The following SOX10 variants were observed in gnomAD, a reference collection of about 807,000 sequenced individuals.
SOX10 encodes transcription factor SOX-10.
SOX10 carries 3 observed loss-of-function variants against 35.0 expected under a neutral mutation model. The observed-to-expected ratio is 0.09, with a 90% confidence interval of 0.04 to 0.22. SOX10 has a LOEUF of 0.22. Ranked by LOEUF, SOX10 falls within the 10% of genes least tolerant of loss-of-function variation. SOX10 has a pLI of 1.00. For missense variants in SOX10, 436 were observed against 655.1 expected (o/e 0.67, Z 3.65); for synonymous variants, 285 against 291.0 (o/e 0.98, Z 0.21).
At position 37,983,368 on chromosome 22, in the gene SOX10, G is replaced by A; in HGVS notation, c.417C>T (p.Gly139=). ...LHNAELSKTL[G]KLWRLLNESD... ...GGTCGGGTGCTCACCTCCAGAGCTT[G>A]CCCAGCGTCTTGCTGAGCTCAGCGT... The change falls in exon 2 of 4, where the codon GGC becomes GGT. Residue 139 remains glycine (G), a synonymous_variant. Transcript: ENST00000396884. The surrounding 1 kb of genome is among the most constrained non-coding windows in gnomAD (Gnocchi z 9.5). 6.2e-7 allele frequency: 1 copy of A among 1,608,416 alleles called. No individual in the cohort carries two copies. The highest frequency in any genetic ancestry group is 8.5e-7 in the Non-Finnish European group (1 of 1,178,468).
intron 3 of SOX10, among the ~76,000 whole-genome samples, chr22:37,977,626 A>G (rs1932261766): frequency 6.6e-6 from 1 of 151,712 alleles, no homozygotes; most frequent in South Asian, 2.1e-4. Flanking sequence ...GGCGGCCTCC[A>G]CAGTCTTTAA....
rs1220964808 is a variant in SOX10 at position 37,978,225 on chromosome 22, T to C, written c.429-90A>G. The C allele has an allele frequency of 7.3e-7, 1 of 1,370,674 alleles. No individual in the cohort carries two copies. The highest frequency in any genetic ancestry group is 1.5e-5 in the African/African-American group (1 of 68,698). The allele number at this position is 1,370,674 out of a possible 1,614,324, so 84.9% of individuals were successfully genotyped here. On this transcript the variant is annotated intron_variant, in intron 2 of 3. Coordinates refer to ENST00000396884, the MANE Select transcript of SOX10 (RefSeq NM_006941.4). This position sits in a 1 kb window ranked among gnomAD's most constrained non-coding sequence, Gnocchi z 5.0. The stretch of plus-strand genomic sequence containing the variant: ...GTTGGCCTCCCTCTGAGTGTCCATC[T>C]TGGAAGATGTGAGGCCCTGGGATGG...
Position 37,974,064 on chromosome 22 carries a change from T to C in SOX10, c.832A>G (p.Ile278Val), listed in dbSNP as rs760539449. Residue 278 changes from isoleucine to valine, a missense_variant, in exon 4 of 4, where the codon ATT becomes GTT. Ile to Val is a conservative substitution (Grantham distance 29, BLOSUM62 3). Coordinates refer to ENST00000396884, the MANE Select transcript of SOX10 (RefSeq NM_006941.4). The surrounding 1 kb of genome is among the most constrained non-coding windows in gnomAD (Gnocchi z 5.4). ...ATTACCTCGTGGCTGATCTCACCAA[T>C]GTCCACGTTGCCGAAGTCGATGTGA... ...KPHIDFGNVDIGEISHEVMSN... is the reference protein window; with the variant it reads ...KPHIDFGNVDVGEISHEVMSN... The C allele has an allele frequency of 4.6e-5, 74 of 1,613,918 alleles. 1 individual carries two copies. The highest frequency in any genetic ancestry group is 1.7e-6 in the Non-Finnish European group (2 of 1,180,026).
chr22:37,983,526 G>T lies in SOX10; in HGVS notation c.259C>A (p.Leu87Met). The change falls in exon 2 of 4, where the codon CTG becomes ATG. Residue 87 changes from leucine (L) to methionine (M), a missense_variant. Coordinates refer to ENST00000396884, the MANE Select transcript of SOX10 (RefSeq NM_006941.4). This position sits in a 1 kb window ranked among gnomAD's most constrained non-coding sequence, Gnocchi z 9.5. Reference sequence around the variant, plus strand: ...TTGACGCGCACGGGCATGGGCACCAGCGTCCAGTCGTAGCCGCTGAGCACC... The same window carrying T: ...TTGACGCGCACGGGCATGGGCACCATCGTCCAGTCGTAGCCGCTGAGCACC... ...SQVLSGYDWT[L>M]VPMPVRVNGA... 1 of 1,610,336 alleles carries T rather than the reference G, an allele frequency of 6.2e-7. No homozygotes were observed. Among genetic ancestry groups the T allele is most frequent in the South Asian group, 1.1e-5 (1 of 90,710 alleles).
chr22:37,980,560 T>G lies in SOX10; in HGVS notation c.429-2425A>C, dbSNP rs1569170116. On this transcript the variant is annotated intron_variant, in intron 2 of 3. Transcript: ENST00000396884. The surrounding 1 kb of genome is among the most constrained non-coding windows in gnomAD (Gnocchi z 4.1). ...TCCTCCACCAGCTGTGCCGGACAGC[T>G]GATTCCACCTCCACCCCAACCCCAA... Among the ~76,000 whole-genome samples the G allele has an allele frequency of 1.3e-5, 2 of 152,040 alleles. No homozygotes were observed. The highest frequency in any genetic ancestry group is 2.4e-5 in the African/African-American group (1 of 41,394).
At chr22:37,977,329 C>A (rs1174238493) in intron 3 of SOX10, among the ~76,000 whole-genome samples, 1 of 141,990 alleles carries the variant, frequency 7.0e-6, no homozygotes, top group African/African-American at 2.6e-5. Context: ...TTTTTTTTTT[C>A]TTTCTCTTTG....
Position 37,973,480 on chromosome 22 carries a change from G to C in SOX10, c.*15C>G. On this transcript the variant is annotated 3_prime_UTR_variant, in exon 4 of 4. Coordinates refer to ENST00000396884, the MANE Select transcript of SOX10 (RefSeq NM_006941.4). ...GGCAGGGGCTGGGCGGGGGGTGGTGGCGACAGGGCCCCCTTTAGGGCCGGG... is the reference window on the plus strand; with the variant it reads ...GGCAGGGGCTGGGCGGGGGGTGGTGCCGACAGGGCCCCCTTTAGGGCCGGG... 1.3e-6 allele frequency: 2 copies of C among 1,522,352 alleles called. No individual in the cohort carries two copies. The highest frequency in any genetic ancestry group is 1.8e-6 in the Non-Finnish European group (2 of 1,121,488). The allele number at this position is 1,522,352 out of a possible 1,614,324, so 94.3% of individuals were successfully genotyped here.
rs1043042074 is a variant in SOX10 at position 37,978,515 on chromosome 22, C to G, written c.429-380G>C. Among the ~76,000 whole-genome samples, 1 of 152,202 alleles carries G rather than the reference C, an allele frequency of 6.6e-6. No homozygotes were observed. The highest frequency in any genetic ancestry group is 2.1e-4 in the South Asian group (1 of 4,830). ...AGCTGTCTGCAAGTGGAATTGGCTA[C>G]TTCAGTGGGGGTGAGCTCCCTGGGA... On this transcript the variant is annotated intron_variant, in intron 2 of 3. Transcript: ENST00000396884. This position sits in a 1 kb window ranked among gnomAD's most constrained non-coding sequence, Gnocchi z 5.0.
In SOX10 at chr22:37,981,276, C is replaced by T. The variant is rs529185676; in HGVS notation, c.428+2081G>A. 3.3e-3 allele frequency among the ~76,000 whole-genome samples: 502 copies of T among 152,362 alleles called. 1 individual carries two copies. The highest frequency in any genetic ancestry group is 5.1e-3 in the Admixed American group (78 of 15,308). On this transcript the variant is annotated intron_variant, in intron 2 of 3. Coordinates refer to ENST00000396884, the MANE Select transcript of SOX10 (RefSeq NM_006941.4). ...AGGAGAAGCCCCTGGAGCAATTGGC[C>T]AGCCCAGCCCAAATCCAAATGTCTC...
In SOX10 at chr22:37,983,662, G is replaced by A. The variant is rs771114420; in HGVS notation, c.123C>T (p.Gly41=). 1.3e-6 allele frequency: 2 copies of A among 1,584,572 alleles called. No individual in the cohort carries two copies. The highest frequency in any genetic ancestry group is 1.7e-5 in the Admixed American group (1 of 57,772). Reference sequence around the variant, plus strand: ...CGCCTGGCCCCGGGCTGGCTCGCAGGCCCGATCCGCCGCCGCCGCCGTCGG... The same window carrying A: ...CGCCTGGCCCCGGGCTGGCTCGCAGACCCGATCCGCCGCCGCCGCCGTCGG... ...LGPDGGGGGS[G]LRASPGPGEL... is the part of the protein sequence containing the mutation. The change falls in exon 2 of 4, where the codon GGC becomes GGT. Residue 41 remains glycine (G), a synonymous_variant. Coordinates refer to ENST00000396884, the MANE Select transcript of SOX10 (RefSeq NM_006941.4). The surrounding 1 kb of genome is among the most constrained non-coding windows in gnomAD (Gnocchi z 9.5).
At chr22:37,975,983 G>A (rs982168163) in intron 3 of SOX10, among the ~76,000 whole-genome samples, 6 of 152,044 alleles carry the variant, frequency 3.9e-5, no homozygotes, top group Non-Finnish European at 8.8e-5. Context: ...GGTCATGCCT[G>A]TAATCCCAGC....
chr22:37,979,484 G>A (rs1229370165), intron 2 of SOX10, among the ~76,000 whole-genome samples: 1 of 151,992 alleles, frequency 6.6e-6, no homozygotes, highest in Admixed American at 6.6e-5. Context: ...TCCTGATTGT[G>A]TGAATTCCAG....
In SOX10 at chr22:37,980,107, C is replaced by T. The variant is rs115389977; in HGVS notation, c.429-1972G>A. On this transcript the variant is annotated intron_variant, in intron 2 of 3. Transcript: ENST00000396884. The surrounding 1 kb of genome is among the most constrained non-coding windows in gnomAD (Gnocchi z 4.1). Reference sequence around the variant, plus strand: ...AGCTTTCTCAGAGGGTCCCTCCAGCCGAGACTCTGTCAGAGTCAGTGTACA... The same window carrying T: ...AGCTTTCTCAGAGGGTCCCTCCAGCTGAGACTCTGTCAGAGTCAGTGTACA... Among the ~76,000 whole-genome samples, 1,414 of 152,216 alleles carry T rather than the reference C, an allele frequency of 9.3e-3. 27 individuals are homozygous for T. The highest frequency in any genetic ancestry group is 0.032 in the African/African-American group (1,346 of 41,524).
At position 37,980,350 on chromosome 22, in the gene SOX10, C is replaced by T. The variant is rs950317880; in HGVS notation, c.429-2215G>A. On this transcript the variant is annotated intron_variant, in intron 2 of 3. Coordinates refer to ENST00000396884, the MANE Select transcript of SOX10 (RefSeq NM_006941.4). This position sits in a 1 kb window ranked among gnomAD's most constrained non-coding sequence, Gnocchi z 4.1. ...ATGGGACACAGAGCTCACTCTTTCA[C>T]CTATCCTTCCCTTGCCCCCTGCCCA... Among the ~76,000 whole-genome samples, 1 of 152,156 alleles carries T rather than the reference C, an allele frequency of 6.6e-6. No individual in the cohort carries two copies.
In SOX10 at chr22:37,980,025, C is replaced by T. The variant is rs866616309; in HGVS notation, c.429-1890G>A. On this transcript the variant is annotated intron_variant, in intron 2 of 3. Coordinates refer to ENST00000396884, the MANE Select transcript of SOX10 (RefSeq NM_006941.4). This position sits in a 1 kb window ranked among gnomAD's most constrained non-coding sequence, Gnocchi z 4.1. ...CCTAGCCGGCAGCAGCATTCCTCTG[C>T]GGCTTAGCCTCCCTGTCTACTCCCC... 1.3e-5 allele frequency among the ~76,000 whole-genome samples: 2 copies of T among 152,142 alleles called. No homozygotes were observed. Among genetic ancestry groups the T allele is most frequent in the African/African-American group, 4.8e-5 (2 of 41,408 alleles).
At chr22:37,977,367 C>A (rs1235505892) in intron 3 of SOX10, among the ~76,000 whole-genome samples, 2 of 151,100 alleles carry the variant, frequency 1.3e-5, no homozygotes, top group Admixed American at 1.3e-4. Flanking sequence ...GTCGCCCAGG[C>A]TGGAGTGCAG....
Position 37,983,770 on chromosome 22 carries a change from C to T in SOX10, c.15G>A (p.Gln5=). 6.8e-7 allele frequency: 1 copy of T among 1,470,210 alleles called. No individual in the cohort carries two copies. The highest frequency in any genetic ancestry group is 2.9e-5 in the East Asian group (1 of 34,642). 91.1% of individuals were successfully genotyped at this position (1,470,210 alleles called of 1,614,324 possible). ...GGCTCAGCTCCACCTCCGATAGGTCCTGCTCCTCCGCCATGTCGCCCCCGG... is the reference window on the plus strand; with the variant it reads ...GGCTCAGCTCCACCTCCGATAGGTCTTGCTCCTCCGCCATGTCGCCCCCGG... MAEE[Q]DLSEVELSPV... is the part of the protein sequence containing the mutation. Residue 5 remains glutamine (Q), a synonymous_variant, in exon 2 of 4, where the codon CAG becomes CAA. Coordinates refer to ENST00000396884, the MANE Select transcript of SOX10 (RefSeq NM_006941.4). The surrounding 1 kb of genome is among the most constrained non-coding windows in gnomAD (Gnocchi z 9.5).
In SOX10 at chr22:37,974,007, A is replaced by G. The variant is rs1470184775; in HGVS notation, c.889T>C (p.Leu297=). The stretch of plus-strand genomic sequence containing the variant: ...CCATTGGGCGGCAGGTACTGGTCCA[A>G]CTCAGCCACATCAAAGGTCTCCATG... ...SNMETFDVAE[L]DQYLPPNGHP... is the part of the protein sequence containing the mutation. Residue 297 remains leucine (L), a synonymous_variant, in exon 4 of 4, where the codon TTG becomes CTG. Transcript: ENST00000396884. The surrounding 1 kb of genome is among the most constrained non-coding windows in gnomAD (Gnocchi z 5.4). 6 of 1,613,644 alleles carry G rather than the reference A, an allele frequency of 3.7e-6. No homozygotes were observed. The highest frequency in any genetic ancestry group is 1.3e-5 in the African/African-American group (1 of 75,044).
intron 3 of SOX10, among the ~76,000 whole-genome samples, chr22:37,975,195 G>A (rs1932186359): frequency 6.6e-6 from 1 of 152,196 alleles, no homozygotes; most frequent in Non-Finnish European, 1.5e-5. Context: ...GCCAGGTGCT[G>A]GGGATACTAA....
Sources: gnomAD v4.1 joint callset for allele counts (sites outside exome capture counted in the v4.1 genomes callset) on GRCh38, gnomAD v4.1.1 for gene constraint, Gnocchi (gnomAD v3.1) non-coding constraint, MANE v1.5 for transcripts, NCBI Gene and HGNC (gene_info 2026-07-23, HGNC 2026-07-21) for gene names.